Variants in ZNF479 observed in about 807,000 individuals in gnomAD.
ZNF479 encodes the protein KRAB zinc finger protein KR19.
ZNF479 carries 15 observed loss-of-function variants against 14.7 expected under a neutral mutation model. The observed-to-expected ratio is 1.02, with a 90% CI of 0.68 to 1.57. ZNF479 has a LOEUF of 1.57. Among genes scored for constraint, ZNF479 ranks in the 40% most tolerant of loss-of-function variants. The pLI is 0.00. For synonymous variants in ZNF479, 145 were observed against 211.5 expected, an observed-to-expected ratio of 0.69 and a Z score of 2.73; for missense variants, 506 against 615.1, an observed-to-expected ratio of 0.82 and a Z score of 1.88.
chr7:57,138,770 G>T (rs1489830402), intron 1 of ZNF479, among the ~76,000 whole-genome samples: 9 of 152,204 alleles, frequency 5.9e-5, no homozygotes, highest in Admixed American at 3.3e-4. Context: ...GTGACTATTG[G>T]ATGCACACTC....
rs1290790824 is a variant in ZNF479 at position 57,118,888 on chromosome 7, T to C, written c.*952A>G. On this transcript the variant is annotated 3_prime_UTR_variant, in exon 4 of 4. Coordinates refer to ENST00000319636, the MANE Select transcript of ZNF479 (RefSeq NM_001370129.2). ...CCTACCATAACGTGTGACTACCATT[T>C]AAAGTCCTTGCCACATTTAACACAT... 1.3e-5 allele frequency among the ~76,000 whole-genome samples: 2 copies of C among 152,204 alleles called. No homozygotes were observed. Among genetic ancestry groups the C allele is most frequent in the African/African-American group, 4.8e-5 (2 of 41,464 alleles).
intron 3 of ZNF479, among the ~76,000 whole-genome samples, chr7:57,123,329 T>A (rs535848065): frequency 6.6e-6 from 1 of 152,260 alleles, no homozygotes; most frequent in East Asian, 1.9e-4. Context: ...CATGAGGGGA[T>A]TTGTCTCCAT....
intron 3 of ZNF479, among the ~76,000 whole-genome samples, chr7:57,123,777 G>A (rs1390117528): frequency 4.6e-5 from 7 of 152,056 alleles, no homozygotes. Flanking sequence ...AGGCTGCAGT[G>A]AGCCAAGATT....
At chr7:57,135,870 A>G (rs888401986), upstream of ZNF479, among the ~76,000 whole-genome samples, 1 of 152,030 alleles carries the variant, frequency 6.6e-6, no homozygotes, top group African/African-American at 2.4e-5. Context: ...CACAACCAAC[A>G]AGCAGCCACC....
Position 57,120,589 on chromosome 7 carries a change from G to A in ZNF479, c.826C>T (p.Gln276Ter). 6.2e-7 allele frequency: 1 copy of A among 1,613,210 alleles called. No homozygotes were observed. Reference sequence around the variant, plus strand: ...AGTGCTGAGGAGCGCCTAAAGGCTTGGCCACATTCTTCACACGTGTAGGGT... The same window carrying A: ...AGTGCTGAGGAGCGCCTAAAGGCTTAGCCACATTCTTCACACGTGTAGGGT... ...EKPYTCEECG[Q>*]AFRRSSALTN... The change falls in exon 4 of 4, where the codon CAA becomes TAA. Residue 276 changes from glutamine to a stop codon, truncating the protein, a stop_gained. Coordinates refer to ENST00000319636, the MANE Select transcript of ZNF479 (RefSeq NM_001370129.2). LOFTEE classifies it low-confidence loss of function (END_TRUNC).
In ZNF479 at chr7:57,119,026, TAGTG is replaced by T. The variant is rs556287577; in HGVS notation, c.*810_*813del. Among the ~76,000 whole-genome samples the T allele has an allele frequency of 4.3e-4, 65 of 152,306 alleles. No individual in the cohort carries two copies. The highest frequency in any genetic ancestry group is 1.5e-3 in the African/African-American group (64 of 41,578). ...AGTTTCTCTCCAGTATAAAATTTTT[TAGTG>T]AGTAAGCATGGAGAACCAGTTAAAG... On this transcript the variant is annotated 3_prime_UTR_variant, in exon 4 of 4. Coordinates refer to ENST00000319636, the MANE Select transcript of ZNF479 (RefSeq NM_001370129.2).
At chr7:57,134,665 C>CTT (rs71053216), upstream of ZNF479, among the ~76,000 whole-genome samples, 398 of 106,498 alleles carry the variant, frequency 3.7e-3, 17 homozygotes, top group South Asian at 9.2e-3. Context: ...TTTCTTCTAT[C>CTT]TTTTTTTTTT....
chr7:57,136,565 T>C (rs1481135628), upstream of ZNF479, among the ~76,000 whole-genome samples: 3 of 152,250 alleles, frequency 2.0e-5, no homozygotes, highest in Admixed American at 2.0e-4. Flanking sequence ...TTGAAATTTA[T>C]GTTATACTTA....
Position 57,120,706 on chromosome 7 carries a change from C to A in ZNF479, c.709G>T (p.Gly237Ter). The change falls in exon 4 of 4, where the codon GGA becomes TGA. Residue 237 changes from glycine to a stop codon, truncating the protein, a stop_gained. Transcript: ENST00000319636. LOFTEE classifies it low-confidence loss of function (END_TRUNC). Reference sequence around the variant, plus strand: ...TCCTCACATCTATATGGTTTCTCTCCAGTATGAATTATTTTATGTGTAGTA... The same window carrying A: ...TCCTCACATCTATATGGTTTCTCTCAAGTATGAATTATTTTATGTGTAGTA... ...NHTTHKIIHT[G>*]EKPYRCEECG... 1 of 1,612,632 alleles carries A rather than the reference C, an allele frequency of 6.2e-7. No homozygotes were observed. The highest frequency in any genetic ancestry group is 1.7e-4 in the Middle Eastern group (1 of 6,050).
chr7:57,132,420 C>G lies in ZNF479; in HGVS notation c.-96G>C. 2 of 1,593,358 alleles carry G rather than the reference C, an allele frequency of 1.3e-6. No individual in the cohort carries two copies. The highest frequency in any genetic ancestry group is 2.2e-5 in the East Asian group (1 of 44,676). On this transcript the variant is annotated 5_prime_UTR_variant, in exon 1 of 4. Coordinates refer to ENST00000319636, the MANE Select transcript of ZNF479 (RefSeq NM_001370129.2). ...TGAAGAGGAGAACTGCAGCTCTGGA[C>G]GCAGAGAAACACAAAGGACCCGCAA...
intron 1 of ZNF479, among the ~76,000 whole-genome samples, chr7:57,130,463 ACT>A: frequency 6.6e-6 from 1 of 151,982 alleles, no homozygotes; most frequent in Middle Eastern, 3.4e-3. Context: ...TAAGAGTGAA[ACT>A]CTGTCTTAAA....
At chr7:57,126,992 A>ATG (rs983684959) in intron 1 of ZNF479, among the ~76,000 whole-genome samples, 4 of 150,624 alleles carry the variant, frequency 2.7e-5, no homozygotes, top group African/African-American at 9.8e-5. Context: ...CAACATGGAC[A>ATG]TGTCTTTTTC....
At chr7:57,131,487 T>C (rs1416415387) in intron 1 of ZNF479, among the ~76,000 whole-genome samples, 1 of 150,794 alleles carries the variant, frequency 6.6e-6, no homozygotes, top group Non-Finnish European at 1.5e-5. Flanking sequence ...TACTTGAACC[T>C]GGGAGGCAGA....
In ZNF479 at chr7:57,118,965, G is replaced by A. The variant is rs2115847205; in HGVS notation, c.*875C>T. ...TCTCTTTTTTAGAAAAGTTTGAGGTGTGCTTAAATGCTCTGTCACATTTTT... is the reference window on the plus strand; with the variant it reads ...TCTCTTTTTTAGAAAAGTTTGAGGTATGCTTAAATGCTCTGTCACATTTTT... On this transcript the variant is annotated 3_prime_UTR_variant, in exon 4 of 4. Coordinates refer to ENST00000319636, the MANE Select transcript of ZNF479 (RefSeq NM_001370129.2). 6.6e-6 allele frequency among the ~76,000 whole-genome samples: 1 copy of A among 152,238 alleles called. No individual in the cohort carries two copies. Among genetic ancestry groups the A allele is most frequent in the Admixed American group, 6.5e-5 (1 of 15,290 alleles).
chr7:57,133,688 A>C (rs955652207), upstream of ZNF479, among the ~76,000 whole-genome samples: 12 of 152,172 alleles, frequency 7.9e-5, no homozygotes, highest in Admixed American at 6.5e-4. Flanking sequence ...TTACATGATG[A>C]AACCCCTGCT....
chr7:57,132,448 T>G, upstream of ZNF479: 1 of 1,455,296 alleles, frequency 6.9e-7, no homozygotes, highest in Non-Finnish European at 9.5e-7. Context: ...ACCCGCAAAA[T>G]TACGGAAGTA....
chr7:57,126,597 G>A lies in ZNF479; in HGVS notation c.161C>T (p.Ser54Phe), dbSNP rs1263280559. The change falls in exon 2 of 4, where the codon TCC (serine) becomes TTC (phenylalanine). Residue 54 changes from serine to phenylalanine, a missense_variant. Transcript: ENST00000319636. The part of the protein sequence containing the change: ...VMLENYRNLV[S>F]LGIAVSKPDL... Reference sequence around the variant, plus strand: ...TGTACTGAAGTTATCCTCACCCAGGGAGACCAGGTTTCTGTAGTTCTCTAA... The same window carrying A: ...TGTACTGAAGTTATCCTCACCCAGGAAGACCAGGTTTCTGTAGTTCTCTAA... 2.5e-6 allele frequency: 4 copies of A among 1,613,188 alleles called. No homozygotes were observed. Among genetic ancestry groups the A allele is most frequent in the South Asian group, 2.2e-5 (2 of 90,850 alleles).
intron 1 of ZNF479, among the ~76,000 whole-genome samples, chr7:57,138,603 G>GT (rs1413606826): frequency 6.6e-5 from 10 of 152,188 alleles, no homozygotes; most frequent in African/African-American, 1.4e-4. Flanking sequence ...AGTAGGAGAG[G>GT]TATTGACTTT....
chr7:57,128,954 T>C (rs1473921997), intron 1 of ZNF479, among the ~76,000 whole-genome samples: 1 of 152,168 alleles, frequency 6.6e-6, no homozygotes, highest in African/African-American at 2.4e-5. Context: ...AATATGCCTT[T>C]AAAGCACAAC....
Sources: gnomAD v4.1 joint callset for allele counts (sites outside exome capture counted in the v4.1 genomes callset) on GRCh38, gnomAD v4.1.1 for gene constraint, MANE v1.5 for transcripts, NCBI Gene and HGNC (gene_info 2026-07-23, HGNC 2026-07-21) for gene names.